SUCLG2: variants seen among roughly 807,000 people sequenced by gnomAD.
SUCLG2 encodes succinate-CoA ligase GDP-forming subunit beta.
A neutral mutation model predicts 47.9 loss-of-function variants in SUCLG2; 42 were observed. The ratio of observed to expected loss-of-function variants is 0.88; its 90% CI spans 0.69 to 1.14. SUCLG2 has a LOEUF of 1.14. SUCLG2 is among the 50% of genes most tolerant of loss of function. The pLI is 0.00. For missense variants in SUCLG2, 571 were observed against 525.9 expected (o/e 1.09, Z -0.84); for synonymous variants, 195 against 197.3 (o/e 0.99, Z 0.10).
At chr3:67,394,131 G>A (rs1490112350) in intron 10 of SUCLG2, among the ~76,000 whole-genome samples, 1 of 152,146 alleles carries the variant, frequency 6.6e-6, no homozygotes, top group Non-Finnish European at 1.5e-5. Flanking sequence ...TCCTCCAAAG[G>A]AATGCAGTTC....
At chr3:67,391,576 T>C (rs759498512) in intron 10 of SUCLG2, among the ~76,000 whole-genome samples, 4 of 152,224 alleles carry the variant, frequency 2.6e-5, no homozygotes, top group Non-Finnish European at 4.4e-5. Context: ...GCAGTAATAA[T>C]GCCTTTACCT....
intron 9 of SUCLG2, among the ~76,000 whole-genome samples, chr3:67,436,875 T>C (rs1234859727): frequency 2.6e-5 from 4 of 152,350 alleles, no homozygotes; most frequent in Middle Eastern, 3.4e-3. Context: ...GTTTTTCAAA[T>C]GTTACCTGTG....
intron 9 of SUCLG2, among the ~76,000 whole-genome samples, chr3:67,446,753 A>T (rs1275361006): frequency 6.6e-6 from 1 of 152,070 alleles, no homozygotes; most frequent in South Asian, 2.1e-4. Context: ...TTTTTAGGCA[A>T]AACAATGCCA....
rs59831343 is a variant in SUCLG2, at chr3:67,388,854, G to A, written c.1183+11877C>T. Among the ~76,000 whole-genome samples, 1,675 of 152,282 alleles carry A rather than the reference G, an allele frequency of 0.011. 91 individuals carry two copies. The East Asian group carries it at 0.18, about 17-fold the overall frequency. On this transcript the variant is annotated intron_variant, in intron 10 of 10. Coordinates refer to ENST00000307227, the MANE Select transcript of SUCLG2 (RefSeq NM_003848.4). ...AGTATAAAAGGAGAATTTCCAAGTT[G>A]AGTCTGGAGGATAGGTAAGAATTGA...
chr3:67,534,382 A>G (rs942681202), intron 2 of SUCLG2, among the ~76,000 whole-genome samples: 10 of 152,080 alleles, frequency 6.6e-5, no homozygotes, highest in African/African-American at 2.2e-4. Flanking sequence ...CCCTATAAAA[A>G]TTCCTAAATT....
intron 2 of SUCLG2, among the ~76,000 whole-genome samples, chr3:67,550,605 A>G (rs1291530354): frequency 1.3e-5 from 2 of 152,182 alleles, no homozygotes; most frequent in African/African-American, 4.8e-5. Flanking sequence ...CTGGGGTTAT[A>G]GGTGTCAGCC....
At chr3:67,623,396 G>C (rs1283230709) in intron 1 of SUCLG2, among the ~76,000 whole-genome samples, 1 of 152,158 alleles carries the variant, frequency 6.6e-6, no homozygotes, top group African/African-American at 2.4e-5. Context: ...AGCTACTCAG[G>C]AGGCTGAGGC....
chr3:67,564,618 C>G (rs967647977), intron 2 of SUCLG2, among the ~76,000 whole-genome samples: 1 of 152,242 alleles, frequency 6.6e-6, no homozygotes, highest in Non-Finnish European at 1.5e-5. Flanking sequence ...CTGTGGCCCA[C>G]AGGCCACATG....
intron 2 of SUCLG2, among the ~76,000 whole-genome samples, chr3:67,589,821 T>C (rs777412456): frequency 2.4e-4 from 36 of 151,854 alleles, no homozygotes; most frequent in Non-Finnish European, 4.7e-4. Flanking sequence ...TAGGGGGAGG[T>C]AATCCCTAAT....
intron 4 of SUCLG2, among the ~76,000 whole-genome samples, chr3:67,525,752 G>C (rs903005185): frequency 6.6e-6 from 1 of 151,842 alleles, no homozygotes; most frequent in African/African-American, 2.4e-5. Context: ...ATACTAAAAA[G>C]GTATAATCCA....
intron 9 of SUCLG2, among the ~76,000 whole-genome samples, chr3:67,473,187 TA>T (rs1242590680): frequency 1.5e-5 from 1 of 65,058 alleles, no homozygotes; most frequent in African/African-American, 6.3e-5. Context: ...TATTTTTATT[TA>T]TTTTTTTTGA....
At chr3:67,488,095 C>T (rs1705104988) in intron 9 of SUCLG2, among the ~76,000 whole-genome samples, 1 of 151,474 alleles carries the variant, frequency 6.6e-6, no homozygotes, top group South Asian at 2.1e-4. Flanking sequence ...CTAGTTTTGT[C>T]AAAACTAGTG....
At chr3:67,633,272 A>T (rs1700956997) in intron 1 of SUCLG2, among the ~76,000 whole-genome samples, 1 of 152,210 alleles carries the variant, frequency 6.6e-6, no homozygotes, top group South Asian at 2.1e-4. Context: ...TTTATGCTAG[A>T]TGAAGTACTT....
chr3:67,606,925 G>A (rs1376010518), intron 2 of SUCLG2, among the ~76,000 whole-genome samples: 2 of 152,284 alleles, frequency 1.3e-5, no homozygotes, highest in Admixed American at 1.3e-4. Flanking sequence ...AACATAGAAA[G>A]GGTCTGGTGT....
rs115715413 is a variant in SUCLG2, at chr3:67,639,920, G to C, written c.84+14583C>G. ...TCATACACAATTCTTGCTACATCTA[G>C]AGAACACTAATACCAGTATCAGTTT... On this transcript the variant is annotated intron_variant, in intron 1 of 10. Coordinates refer to ENST00000307227, the MANE Select transcript of SUCLG2 (RefSeq NM_003848.4). 7.0e-3 allele frequency among the ~76,000 whole-genome samples: 1,072 copies of C among 152,258 alleles called. 8 individuals carry two copies. The highest frequency in any genetic ancestry group is 0.024 in the African/African-American group (1,016 of 41,534).
rs562835115 is a variant in SUCLG2, at chr3:67,604,791, C to A, written c.226+4664G>T. On this transcript the variant is annotated intron_variant, in intron 2 of 10. Coordinates refer to ENST00000307227, the MANE Select transcript of SUCLG2 (RefSeq NM_003848.4). ...AAAGAAAGAGATCTGCGAGACAATC[C>A]GCAGAGAAGTCACCCTGGAAATCAC... 2.0e-5 allele frequency among the ~76,000 whole-genome samples: 3 copies of A among 152,194 alleles called. No homozygotes were observed. In the South Asian group the frequency reaches 6.2e-4, roughly 32 times the overall value.
chr3:67,461,487 A>G (rs1401375044), intron 9 of SUCLG2, among the ~76,000 whole-genome samples: 7 of 152,026 alleles, frequency 4.6e-5, no homozygotes, highest in Non-Finnish European at 1.0e-4. Flanking sequence ...TATTTTCGGA[A>G]TCATATATTA....
At chr3:67,368,560 T>G (rs1201845511) in intron 10 of SUCLG2, among the ~76,000 whole-genome samples, 1 of 152,102 alleles carries the variant, frequency 6.6e-6, no homozygotes, top group Non-Finnish European at 1.5e-5. Context: ...TACAATCCAC[T>G]ATTTTATATG....
At chr3:67,395,747 C>T (rs1161132496) in intron 10 of SUCLG2, among the ~76,000 whole-genome samples, 1 of 152,110 alleles carries the variant, frequency 6.6e-6, no homozygotes, top group African/African-American at 2.4e-5. Context: ...CACACCTATT[C>T]CAAAATTGAA....
Sources: gnomAD v4.1 joint callset for allele counts (sites outside exome capture counted in the v4.1 genomes callset) on GRCh38, gnomAD v4.1.1 for gene constraint, MANE v1.5 for transcripts, NCBI Gene and HGNC (gene_info 2026-07-23, HGNC 2026-07-21) for gene names.